CORIN: variants seen among roughly 807,000 people sequenced by gnomAD.
The protein encoded by CORIN is corin, serine peptidase, also known as atrial natriuretic peptide-converting enzyme.
In CORIN, 117 loss-of-function variants were observed where a neutral mutation model predicts 125.3. The observed-to-expected ratio is 0.93, with a 90% CI of 0.80 to 1.09. The LOEUF (loss-of-function observed/expected upper bound fraction) is 1.09, where lower values mean the gene tolerates loss of function less well. CORIN is among the 50% of genes least tolerant of loss of function. The probability of loss-of-function intolerance (pLI) is 0.00; values close to 1 mark genes in which losing one functional copy is unlikely to be tolerated. For missense variants in CORIN, 1,253 were observed against 1,306.7 expected (o/e 0.96, Z 0.63); for synonymous variants, 450 against 466.4 (o/e 0.96, Z 0.45).
intron 5 of CORIN, among the ~76,000 whole-genome samples, chr4:47,733,262 A>G (rs1314452236): frequency 6.6e-6 from 1 of 152,246 alleles, no homozygotes; most frequent in Non-Finnish European, 1.5e-5. Flanking sequence ...AGGGCTTGAG[A>G]GACATGCTCA....
intron 19 of CORIN, among the ~76,000 whole-genome samples, chr4:47,606,032 G>A (rs2109515417): frequency 6.6e-6 from 1 of 152,186 alleles, no homozygotes; most frequent in East Asian, 1.9e-4. Context: ...GGATATCAGA[G>A]GAACGGACAT....
intron 17 of CORIN, among the ~76,000 whole-genome samples, chr4:47,626,073 T>G (rs984355710): frequency 3.9e-5 from 6 of 152,320 alleles, no homozygotes; most frequent in East Asian, 1.9e-4. Context: ...TCCCTCTGTT[T>G]ACTAGTTCTA....
At chr4:47,722,581 G>A (rs567450944) in intron 5 of CORIN, among the ~76,000 whole-genome samples, 3 of 152,260 alleles carry the variant, frequency 2.0e-5, no homozygotes, top group South Asian at 4.1e-4. Flanking sequence ...TATTGTTCCT[G>A]AAGGAAAATA....
chr4:47,633,729 T>C (rs943183993), intron 16 of CORIN, among the ~76,000 whole-genome samples: 1 of 152,248 alleles, frequency 6.6e-6, no homozygotes, highest in Non-Finnish European at 1.5e-5. Context: ...TCTTCACATC[T>C]TTTGTTTCAT....
chr4:47,603,505 T>A lies in CORIN; in HGVS notation c.2704A>T (p.Ile902Phe). The A allele has an allele frequency of 6.2e-7, 1 of 1,614,198 alleles. No homozygotes were observed. Among genetic ancestry groups the A allele is most frequent in the African/African-American group, 1.3e-5 (1 of 75,046 alleles). ...GGCCGGACGTAGCCAGTCTCACTGA[T>A]GTCTTCACTCAGCTCAACGATGCTG... Reference protein sequence around the residue: ...DISIVELSEDISETGYVRPVC... With the variant: ...DISIVELSEDFSETGYVRPVC... The change falls in exon 20 of 22, where the codon ATC becomes TTC. Residue 902 changes from isoleucine to phenylalanine, a missense_variant. By Grantham distance (21) the Ile-to-Phe change is conservative. Coordinates refer to ENST00000273857, the MANE Select transcript of CORIN (RefSeq NM_006587.4).
chr4:47,646,942 A>G (rs906029713), intron 13 of CORIN, among the ~76,000 whole-genome samples: 6 of 152,356 alleles, frequency 3.9e-5, no homozygotes, highest in African/African-American at 1.4e-4. Flanking sequence ...ATTAAAAACA[A>G]TTATAAAAAT....
At chr4:47,724,013 A>G (rs1028969651) in intron 5 of CORIN, among the ~76,000 whole-genome samples, 23 of 151,670 alleles carry the variant, frequency 1.5e-4, no homozygotes, top group African/African-American at 3.4e-4. Flanking sequence ...AAAAAAAAAA[A>G]AAGAAGCAGG....
At chr4:47,668,074 C>T (rs1652272285) in intron 10 of CORIN, among the ~76,000 whole-genome samples, 2 of 152,160 alleles carry the variant, frequency 1.3e-5, no homozygotes, top group East Asian at 3.9e-4. Flanking sequence ...AGAGAGGGTC[C>T]TCACCAGAAC....
intron 5 of CORIN, among the ~76,000 whole-genome samples, chr4:47,720,546 A>G (rs182395060): frequency 2.0e-5 from 3 of 152,334 alleles, no homozygotes; most frequent in Admixed American, 2.0e-4. Context: ...ACAAATTATA[A>G]GGTTAGTGAA....
intron 13 of CORIN, among the ~76,000 whole-genome samples, chr4:47,647,862 T>C (rs1192213446): frequency 6.6e-6 from 1 of 152,198 alleles, no homozygotes; most frequent in Admixed American, 6.5e-5. Flanking sequence ...CTTGGGTAAG[T>C]TACTTAACTT....
intron 3 of CORIN, among the ~76,000 whole-genome samples, chr4:47,777,247 A>T (rs1456915961): frequency 6.6e-6 from 1 of 152,230 alleles, no homozygotes; most frequent in Non-Finnish European, 1.5e-5. Context: ...AATTTGAGAC[A>T]TCTCATACAA....
In CORIN at chr4:47,724,921, A is replaced by T. The variant is rs571923799; in HGVS notation, c.799+19481T>A. On this transcript the variant is annotated intron_variant, in intron 5 of 21. Coordinates refer to ENST00000273857, the MANE Select transcript of CORIN (RefSeq NM_006587.4). ...ATATTCAGTTCATCCCCACATTCAGAGGTGAGGGGATTATACAGGGTGAGT... is the reference window on the plus strand; with the variant it reads ...ATATTCAGTTCATCCCCACATTCAGTGGTGAGGGGATTATACAGGGTGAGT... Among the ~76,000 whole-genome samples, 7 of 152,292 alleles carry T rather than the reference A, an allele frequency of 4.6e-5. 1 individual carries two copies. The highest frequency in any genetic ancestry group is 2.6e-4 in the Admixed American group (4 of 15,298).
chr4:47,763,923 G>T (rs1265548097), intron 3 of CORIN, among the ~76,000 whole-genome samples: 1 of 151,866 alleles, frequency 6.6e-6, no homozygotes, highest in East Asian at 1.9e-4. Context: ...TTTTCACCAT[G>T]CATATTCTTT....
At chr4:47,742,484 T>A (rs1728452491) in intron 5 of CORIN, among the ~76,000 whole-genome samples, 1 of 152,008 alleles carries the variant, frequency 6.6e-6, no homozygotes, top group African/African-American at 2.4e-5. Flanking sequence ...TAAAAATATA[T>A]AATTTACAAT....
intron 19 of CORIN, among the ~76,000 whole-genome samples, chr4:47,608,567 C>T (rs759535095): frequency 6.6e-6 from 1 of 152,182 alleles, no homozygotes; most frequent in Non-Finnish European, 1.5e-5. Context: ...GTTAAAACAC[C>T]TTATTCTTCT....
rs1173204186 is a variant in CORIN at position 47,786,984 on chromosome 4, T to A, written c.209-59A>T. The stretch of plus-strand genomic sequence containing the variant: ...TCTTTGAAACATTACTAGAAGTGTT[T>A]ATTTTAAAAAACATTAAGAAAACTC... On this transcript the variant is annotated intron_variant, in intron 2 of 21. Coordinates refer to ENST00000273857, the MANE Select transcript of CORIN (RefSeq NM_006587.4). 56 of 1,202,392 alleles carry A rather than the reference T, an allele frequency of 4.7e-5. 1 individual carries two copies. In the Admixed American group the frequency reaches 1.2e-3, roughly 26 times the overall value. The allele number at this position is 1,202,392 out of a possible 1,614,324, so 74.5% of individuals were successfully genotyped here. A position where few individuals can be genotyped will look rare whatever the true frequency, so the allele number is the denominator to read the frequency against.
chr4:47,781,871 G>A (rs1730562093), intron 3 of CORIN, among the ~76,000 whole-genome samples: 2 of 151,962 alleles, frequency 1.3e-5, no homozygotes, highest in African/African-American at 4.8e-5. Context: ...CTGGAAGGCA[G>A]AGGTTGCAGT....
At chr4:47,756,410 T>C (rs1441635704) in intron 4 of CORIN, among the ~76,000 whole-genome samples, 4 of 152,194 alleles carry the variant, frequency 2.6e-5, no homozygotes, top group African/African-American at 9.6e-5. Flanking sequence ...TTCTCTGCAG[T>C]TGCCAGATGA....
chr4:47,633,432 A>G (rs1722915993), intron 16 of CORIN, among the ~76,000 whole-genome samples: 1 of 139,976 alleles, frequency 7.1e-6, no homozygotes, highest in African/African-American at 2.6e-5. Context: ...TTAAAAGTGT[A>G]AAAATAATCA....
Sources: gnomAD v4.1 joint callset for allele counts (sites outside exome capture counted in the v4.1 genomes callset) on GRCh38, gnomAD v4.1.1 for gene constraint, MANE v1.5 for transcripts, NCBI Gene and HGNC (gene_info 2026-07-23, HGNC 2026-07-21) for gene names.